Variants in ATXN1 observed in about 807,000 individuals in gnomAD.
ATXN1 encodes ataxin-1.
A neutral mutation model predicts 56.4 loss-of-function variants in ATXN1; 8 were observed. The observed-to-expected ratio is 0.14, with a 90% CI of 0.08 to 0.26. The LOEUF is 0.26. Among genes scored for constraint, ATXN1 ranks in the 10% least tolerant of loss-of-function variants. ATXN1 has a pLI of 1.00. For missense variants in ATXN1, 987 were observed against 1,106.5 expected (o/e 0.89, Z 1.53); for synonymous variants, 514 against 494.6 (o/e 1.04, Z -0.52).
intron 4 of ATXN1, among the ~76,000 whole-genome samples, chr6:16,552,133 C>A (rs1761930838): frequency 6.6e-6 from 1 of 152,166 alleles, no homozygotes; most frequent in Admixed American, 6.5e-5. Context: ...GGTTTTCTTG[C>A]CACTCAAAGA....
intron 6 of ATXN1, among the ~76,000 whole-genome samples, chr6:16,336,538 C>G (rs1339063353): frequency 1.3e-5 from 2 of 152,160 alleles, no homozygotes; most frequent in African/African-American, 4.8e-5. Context: ...CAATTGTGAT[C>G]CAGGCCATAG....
Position 16,596,285 on chromosome 6 carries a change from G to A in ATXN1, c.-488-10378C>T, listed in dbSNP as rs530333034. Reference sequence around the variant, plus strand: ...GTGCTGGATAACAGGTGTGGCCACCGTGCCCAGCCTCAGACCTCCTTTTCT... The same window carrying A: ...GTGCTGGATAACAGGTGTGGCCACCATGCCCAGCCTCAGACCTCCTTTTCT... On this transcript the variant is annotated intron_variant, in intron 3 of 7. Coordinates refer to ENST00000436367, the MANE Select transcript of ATXN1 (RefSeq NM_001128164.2). 2.3e-4 allele frequency among the ~76,000 whole-genome samples: 35 copies of A among 152,190 alleles called. No individual in the cohort carries two copies. In the East Asian group the frequency reaches 4.1e-3, roughly 18 times the overall value.
chr6:16,619,082 G>C (rs1396586217), intron 3 of ATXN1, among the ~76,000 whole-genome samples: 1 of 151,314 alleles, frequency 6.6e-6, no homozygotes, highest in Non-Finnish European at 1.5e-5. Flanking sequence ...ATTAAAACAA[G>C]ATATAATTTT....
At chr6:16,487,594 T>C (rs1281530954) in intron 5 of ATXN1, among the ~76,000 whole-genome samples, 1 of 152,220 alleles carries the variant, frequency 6.6e-6, no homozygotes, top group African/African-American at 2.4e-5. Flanking sequence ...TTTTACTTGG[T>C]ACTTGCTAAA....
intron 6 of ATXN1, among the ~76,000 whole-genome samples, chr6:16,456,329 C>T (rs1196941369): frequency 6.6e-6 from 1 of 152,096 alleles, no homozygotes; most frequent in Admixed American, 6.5e-5. Context: ...TCCTATTTTT[C>T]CTTAGAATTC....
chr6:16,583,529 T>A (rs984874114), intron 4 of ATXN1, among the ~76,000 whole-genome samples: 1 of 152,278 alleles, frequency 6.6e-6, no homozygotes, highest in East Asian at 1.9e-4. Context: ...TGAAGCTTAT[T>A]TAGTAATGAC....
chr6:16,321,887 C>G (rs1463303361), intron 7 of ATXN1, among the ~76,000 whole-genome samples: 1 of 152,154 alleles, frequency 6.6e-6, no homozygotes, highest in Non-Finnish European at 1.5e-5. Context: ...AAAAGTGAAG[C>G]ATTAAAAAAC....
At chr6:16,429,048 A>C (rs749985969) in intron 6 of ATXN1, among the ~76,000 whole-genome samples, 5 of 137,922 alleles carry the variant, frequency 3.6e-5, no homozygotes, top group Non-Finnish European at 6.3e-5. Context: ...GGGGGCGGCG[A>C]GGGTAGGGGG....
At chr6:16,405,220 A>T (rs1432911432) in intron 6 of ATXN1, among the ~76,000 whole-genome samples, 1 of 152,252 alleles carries the variant, frequency 6.6e-6, no homozygotes, top group Non-Finnish European at 1.5e-5. Flanking sequence ...ACAACTCTGT[A>T]GCCAACTTTT....
intron 6 of ATXN1, among the ~76,000 whole-genome samples, chr6:16,358,036 G>A (rs981517113): frequency 2.0e-5 from 3 of 152,142 alleles, no homozygotes; most frequent in Non-Finnish European, 2.9e-5. Flanking sequence ...CTGACACTGG[G>A]AGAAATATCC....
At chr6:16,490,206 T>C (rs1476642820) in intron 5 of ATXN1, among the ~76,000 whole-genome samples, 3 of 151,584 alleles carry the variant, frequency 2.0e-5, no homozygotes. Flanking sequence ...GTTATTACAC[T>C]GTGTGTGGCC....
chr6:16,701,963 T>G, intron 2 of ATXN1, among the ~76,000 whole-genome samples: 1 of 152,116 alleles, frequency 6.6e-6, no homozygotes, highest in Non-Finnish European at 1.5e-5. Context: ...ATGACTTTCT[T>G]CACAGAATTG....
chr6:16,669,196 A>C (rs1758489803), intron 2 of ATXN1, among the ~76,000 whole-genome samples: 1 of 152,178 alleles, frequency 6.6e-6, no homozygotes, highest in South Asian at 2.1e-4. Flanking sequence ...ACCACATCAA[A>C]CTTCTGTGCA....
intron 7 of ATXN1, among the ~76,000 whole-genome samples, chr6:16,323,237 G>A (rs1451060050): frequency 6.6e-6 from 1 of 152,146 alleles, no homozygotes; most frequent in East Asian, 1.9e-4. Flanking sequence ...AGGGCTGTAA[G>A]GGGCTGGGCG....
intron 6 of ATXN1, among the ~76,000 whole-genome samples, chr6:16,434,140 A>T (rs1041341716): frequency 6.6e-6 from 1 of 152,210 alleles, no homozygotes; most frequent in Non-Finnish European, 1.5e-5. Context: ...ATGTGCACAC[A>T]TCAAAACAGA....
intron 2 of ATXN1, among the ~76,000 whole-genome samples, chr6:16,659,662 T>C (rs574008354): frequency 6.6e-6 from 1 of 152,352 alleles, no homozygotes; most frequent in South Asian, 2.1e-4. Flanking sequence ...CAACCACTCA[T>C]GCTCATTGAC....
chr6:16,619,279 T>TTATCCTAAGGAATAATTTCCACCAG (rs1763275727), intron 3 of ATXN1, among the ~76,000 whole-genome samples: 1 of 152,184 alleles, frequency 6.6e-6, no homozygotes, highest in South Asian at 2.1e-4. Flanking sequence ...CAGCTCTAGT[T>TTATCCTAAGGAATAATTTCCACCAG]CTGGAAATTT....
At chr6:16,745,244 T>C (rs145637351) in intron 2 of ATXN1, among the ~76,000 whole-genome samples, 147 of 152,350 alleles carry the variant, frequency 9.6e-4, no homozygotes, top group Admixed American at 1.6e-3. Context: ...TAACTTAGTA[T>C]TGAGCCTTCT....
chr6:16,761,336 G>A lies in ATXN1; in HGVS notation c.-768C>T, dbSNP rs887828159. On this transcript the variant is annotated 5_prime_UTR_variant, in exon 1 of 8. Transcript: ENST00000436367. The stretch of plus-strand genomic sequence containing the variant: ...TGGATCTGGGGTTGCGTGGGGAAGG[G>A]GGGGCAGAGGGAGAGAAACAATGTC... The A allele has an allele frequency of 4.4e-6, 2 of 456,340 alleles. No individual in the cohort carries two copies. Among genetic ancestry groups the A allele is most frequent in the African/African-American group, 2.0e-5 (1 of 49,946 alleles). The allele number at this position is 456,340 out of a possible 1,614,324, so 28.3% of individuals were successfully genotyped here. A position where few individuals can be genotyped will look rare whatever the true frequency, so the allele number is the denominator to read the frequency against.
Sources: gnomAD v4.1 joint callset for allele counts (sites outside exome capture counted in the v4.1 genomes callset) on GRCh38, gnomAD v4.1.1 for gene constraint, MANE v1.5 for transcripts, NCBI Gene and HGNC (gene_info 2026-07-23, HGNC 2026-07-21) for gene names.